The following CACNA1D variants were observed in gnomAD, a reference collection of about 807,000 sequenced individuals.
CACNA1D encodes calcium voltage-gated channel subunit alpha1 D, also known as voltage-dependent L-type calcium channel subunit alpha-1D.
In CACNA1D, 55 loss-of-function variants were observed where a neutral mutation model predicts 257.1. The observed-to-expected ratio is 0.21, with a 90% CI of 0.17 to 0.27. The LOEUF (loss-of-function observed/expected upper bound fraction) is 0.27, where lower values mean the gene tolerates loss of function less well. Ranked by LOEUF, CACNA1D falls within the 10% of genes least tolerant of loss-of-function variation. CACNA1D has a pLI of 1.00. For synonymous variants in CACNA1D, 980 were observed against 1,014.9 expected, an observed-to-expected ratio of 0.97 and a Z score of 0.65; for missense variants, 1,876 against 2,784.0, an observed-to-expected ratio of 0.67 and a Z score of 7.34.
At chr3:53,531,106 C>T (rs1271980319) in intron 3 of CACNA1D, among the ~76,000 whole-genome samples, 2 of 150,974 alleles carry the variant, frequency 1.3e-5, no homozygotes, top group East Asian at 3.9e-4. Flanking sequence ...GTCCTCTTGC[C>T]TCAGCCTCCC....
chr3:53,736,559 CA>C (rs1045973346), intron 20 of CACNA1D, among the ~76,000 whole-genome samples: 1 of 152,056 alleles, frequency 6.6e-6, no homozygotes, highest in African/African-American at 2.4e-5. Flanking sequence ...TAGCGGTTTA[CA>C]ATATTACTTT....
At chr3:53,734,243 T>C (rs1268048598) in intron 19 of CACNA1D, among the ~76,000 whole-genome samples, 1 of 150,808 alleles carries the variant, frequency 6.6e-6, no homozygotes, top group Non-Finnish European at 1.5e-5. Context: ...AGTTTGAAAG[T>C]GGAAAAAATC....
chr3:53,717,203 C>T (rs767893879), intron 9 of CACNA1D, among the ~76,000 whole-genome samples: 4 of 152,178 alleles, frequency 2.6e-5, no homozygotes, highest in Admixed American at 6.5e-5. Flanking sequence ...GATTCTCTTC[C>T]GTGACTTCCT....
intron 3 of CACNA1D, among the ~76,000 whole-genome samples, chr3:53,571,291 T>C (rs778055335): frequency 6.6e-6 from 1 of 152,126 alleles, no homozygotes; most frequent in South Asian, 2.1e-4. Context: ...TGGATAATTA[T>C]GGAAGAGAAG....
At position 53,731,058 on chromosome 3, in the gene CACNA1D, T is replaced by C; in HGVS notation, c.2337-19T>C. Reference sequence around the variant, plus strand: ...AACATGGTTATTTGGTTTCTTGTGCTCTTTTCTCTTCTCTTTAGAAAAGAG... The same window carrying C: ...AACATGGTTATTTGGTTTCTTGTGCCCTTTTCTCTTCTCTTTAGAAAAGAG... On this transcript the variant is annotated intron_variant, in intron 16 of 47. Transcript: ENST00000350061. 3 of 1,515,856 alleles carry C rather than the reference T, an allele frequency of 2.0e-6. No homozygotes were observed. Among genetic ancestry groups the C allele is most frequent in the South Asian group, 1.1e-5 (1 of 88,982 alleles). The allele number at this position is 1,515,856 out of a possible 1,614,324, so 93.9% of individuals were successfully genotyped here.
intron 44 of CACNA1D, among the ~76,000 whole-genome samples, chr3:53,804,562 C>T (rs905837561): frequency 5.3e-5 from 8 of 152,186 alleles, no homozygotes; most frequent in African/African-American, 1.7e-4. Flanking sequence ...CTTTCCAGCT[C>T]GCATTTGATT....
rs1575701120 is a variant in CACNA1D, at chr3:53,507,720, T to C, written c.483+6000T>C. 2.0e-5 allele frequency among the ~76,000 whole-genome samples: 3 copies of C among 152,174 alleles called. No homozygotes were observed. The East Asian group carries it at 5.8e-4, about 29-fold the overall frequency. ...GCTCATTTGGTTTGTTTTTTTACAA[T>C]GTGAATATCATTATTTTATAGTCAT... On this transcript the variant is annotated intron_variant, in intron 3 of 47. Coordinates refer to ENST00000350061, the MANE Select transcript of CACNA1D (RefSeq NM_001128840.3).
At chr3:53,662,029 G>A (rs1358162341) in intron 5 of CACNA1D, among the ~76,000 whole-genome samples, 5 of 152,104 alleles carry the variant, frequency 3.3e-5, no homozygotes, top group African/African-American at 4.8e-5. Flanking sequence ...AGAGGTTGTC[G>A]GATGTGCTGT....
chr3:53,561,660 C>G (rs1282766359), intron 3 of CACNA1D, among the ~76,000 whole-genome samples: 1 of 152,150 alleles, frequency 6.6e-6, no homozygotes, highest in African/African-American at 2.4e-5. Flanking sequence ...TCGCAGTATG[C>G]TCCTAGATCA....
In CACNA1D at chr3:53,800,562, C is replaced by T; in HGVS notation, c.5040+197C>T. On this transcript the variant is annotated intron_variant, in intron 41 of 47. Coordinates refer to ENST00000350061, the MANE Select transcript of CACNA1D (RefSeq NM_001128840.3). The surrounding 1 kb of genome is among the most constrained non-coding windows in gnomAD (Gnocchi z 4.3). ...AGCACCTCTTCTAGGGCCAGGCCAG[C>T]TCTTTCCCTGAGCTTACCCAGCTTC... The T allele has an allele frequency of 1.5e-6, 1 of 656,454 alleles. No homozygotes were observed. Among genetic ancestry groups the T allele is most frequent in the Non-Finnish European group, 2.8e-6 (1 of 358,744 alleles). The allele number at this position is 656,454 out of a possible 1,614,324, so 40.7% of individuals were successfully genotyped here.
At chr3:53,613,770 T>G (rs2093607554) in intron 3 of CACNA1D, among the ~76,000 whole-genome samples, 1 of 152,004 alleles carries the variant, frequency 6.6e-6, no homozygotes, top group Admixed American at 6.6e-5. Flanking sequence ...CTGACACTTC[T>G]TCCTTATATT....
At chr3:53,582,256 T>C (rs2093144957) in intron 3 of CACNA1D, among the ~76,000 whole-genome samples, 1 of 152,128 alleles carries the variant, frequency 6.6e-6, no homozygotes, top group Admixed American at 6.5e-5. Flanking sequence ...ACATTTCATG[T>C]TTACAGTCCT....
intron 8 of CACNA1D, among the ~76,000 whole-genome samples, chr3:53,690,186 T>C (rs1199738573): frequency 6.6e-6 from 1 of 152,188 alleles, no homozygotes; most frequent in African/African-American, 2.4e-5. Flanking sequence ...TTCTCGTCAG[T>C]TGGAAGCTGG....
intron 2 of CACNA1D, among the ~76,000 whole-genome samples, chr3:53,498,432 A>T (rs2090441572): frequency 6.6e-6 from 1 of 152,202 alleles, no homozygotes; most frequent in Non-Finnish European, 1.5e-5. Context: ...GAGAAGGTTG[A>T]CTGAGGCCTT....
chr3:53,694,410 G>T (rs936337968), intron 8 of CACNA1D, among the ~76,000 whole-genome samples: 15 of 152,194 alleles, frequency 9.9e-5, no homozygotes, highest in Admixed American at 5.2e-4. Context: ...GTAGTGAGCA[G>T]AGCTGGGCTT....
chr3:53,527,707 C>T (rs547564699), intron 3 of CACNA1D, among the ~76,000 whole-genome samples: 7 of 152,084 alleles, frequency 4.6e-5, no homozygotes, highest in African/African-American at 1.7e-4. Flanking sequence ...AAGCTTTGTG[C>T]GCTGGTAGTA....
chr3:53,805,256 C>T, intron 45 of CACNA1D, 110 bp downstream of exon 45: 1 of 1,062,072 alleles, frequency 9.4e-7, no homozygotes, highest in Non-Finnish European at 1.4e-6. Context: ...GGTCAGGATC[C>T]TTAGTCCTCA....
At chr3:53,717,018 G>A (rs1022767274) in intron 9 of CACNA1D, among the ~76,000 whole-genome samples, 1 of 152,134 alleles carries the variant, frequency 6.6e-6, no homozygotes, top group Non-Finnish European at 1.5e-5. Flanking sequence ...CAGAATCTTC[G>A]CCATAGCGCT....
Position 53,789,493 on chromosome 3 carries a change from G to A in CACNA1D, c.4923+2541G>A, listed in dbSNP as rs1316261672. 3.9e-5 allele frequency among the ~76,000 whole-genome samples: 6 copies of A among 152,216 alleles called. No individual in the cohort carries two copies. In the East Asian group the frequency reaches 5.8e-4, roughly 15 times the overall value. Reference sequence around the variant, plus strand: ...TCTGCGTGATGAAATACCGGGTGACGATGTAGCAGTTAGGAAAATTTGGTG... The same window carrying A: ...TCTGCGTGATGAAATACCGGGTGACAATGTAGCAGTTAGGAAAATTTGGTG... On this transcript the variant is annotated intron_variant, in intron 40 of 47. Coordinates refer to ENST00000350061, the MANE Select transcript of CACNA1D (RefSeq NM_001128840.3). This position sits in a 1 kb window ranked among gnomAD's most constrained non-coding sequence, Gnocchi z 4.2.
Sources: gnomAD v4.1 joint callset for allele counts (sites outside exome capture counted in the v4.1 genomes callset) on GRCh38, gnomAD v4.1.1 for gene constraint, Gnocchi (gnomAD v3.1) non-coding constraint, MANE v1.5 for transcripts, NCBI Gene and HGNC (gene_info 2026-07-23, HGNC 2026-07-21) for gene names.